Variants in MPP4 observed in about 807,000 individuals in gnomAD.
MPP4 encodes MAGUK p55 scaffold protein 4.
In MPP4, 91 loss-of-function variants were observed where a neutral mutation model predicts 98.3. The ratio of observed to expected loss-of-function variants is 0.93; its 90% CI spans 0.78 to 1.10. The LOEUF (loss-of-function observed/expected upper bound fraction) is 1.10. Among genes scored for constraint, MPP4 ranks in the 50% least tolerant of loss-of-function variants. The pLI, the probability that MPP4 is intolerant of heterozygous loss-of-function variation, is 0.00. For missense variants in MPP4, 744 were observed against 792.9 expected (o/e 0.94, Z 0.74); for synonymous variants, 261 against 271.8 (o/e 0.96, Z 0.39).
At chr2:201,679,521 A>G (rs1688610573) in intron 10 of MPP4, among the ~76,000 whole-genome samples, 1 of 152,012 alleles carries the variant, frequency 6.6e-6, no homozygotes, top group South Asian at 2.1e-4. Context: ...CATATGCTCC[A>G]CCCTCAGCTG....
At chr2:201,691,912 T>G (rs1220932959) in intron 3 of MPP4, among the ~76,000 whole-genome samples, 1 of 152,248 alleles carries the variant, frequency 6.6e-6, no homozygotes. Context: ...GAATAACTTT[T>G]TAAAGCACTT....
chr2:201,684,821 G>A (rs551188214), intron 7 of MPP4, among the ~76,000 whole-genome samples: 1 of 151,706 alleles, frequency 6.6e-6, no homozygotes, highest in East Asian at 1.9e-4. Flanking sequence ...GTGGTGGCGG[G>A]CGCCTGTAAT....
In MPP4 at chr2:201,664,059, C is replaced by T. The variant is rs1688096449; in HGVS notation, c.1072+22G>A. 4 of 1,481,542 alleles carry T rather than the reference C, an allele frequency of 2.7e-6. No individual in the cohort carries two copies. The Admixed American group carries it at 6.3e-5, about 23-fold the overall frequency. The allele number at this position is 1,481,542 out of a possible 1,614,324, so 91.8% of individuals were successfully genotyped here. ...AGAATATACATTTAAAAATCAGTAC[C>T]AAATACTCATTTTTTACTTACCAGA... On this transcript the variant is annotated intron_variant, in intron 14 of 21. Transcript: ENST00000409474.
Position 201,682,801 on chromosome 2 carries a change from C to A in MPP4, c.660+30G>T, listed in dbSNP as rs963425150. On this transcript the variant is annotated intron_variant, in intron 8 of 21. Coordinates refer to ENST00000409474, the MANE Select transcript of MPP4 (RefSeq NM_033066.3). ...GTTCAGCCTTGGCATTTCTCCAAGT[C>A]ATTAACAAAAAGGCAAAAAGAAGAT... The A allele has an allele frequency of 1.9e-6, 3 of 1,598,680 alleles. No individual in the cohort carries two copies. In the African/African-American group the frequency reaches 4.0e-5, roughly 21 times the overall value.
At chr2:201,670,672 A>T (rs1688316494) in intron 11 of MPP4, among the ~76,000 whole-genome samples, 1 of 151,944 alleles carries the variant, frequency 6.6e-6, no homozygotes, top group Non-Finnish European at 1.5e-5. Flanking sequence ...GTTTGTTTTA[A>T]AAAAAAAATT....
rs1165062923 is a variant in MPP4 at position 201,669,752 on chromosome 2, T to C, written c.995-2A>G. On this transcript the variant is annotated splice_acceptor_variant, in intron 11 of 21. Transcript: ENST00000409474. LOFTEE classifies it high-confidence loss of function. ...TCTTACCTTCTTCCATAGAAATTGC[T>C]GAGTACAAGCAAATGATTGAAGCAG... The C allele has an allele frequency of 1.4e-6, 2 of 1,437,416 alleles. No individual in the cohort carries two copies. The highest frequency in any genetic ancestry group is 2.4e-5 in the Admixed American group (1 of 41,876). The allele number at this position is 1,437,416 out of a possible 1,614,324, so 89.0% of individuals were successfully genotyped here.
intron 2 of MPP4, among the ~76,000 whole-genome samples, 155 bp from the exon 3 acceptor site, chr2:201,693,184 C>T (rs917133659): frequency 2.0e-5 from 3 of 152,226 alleles, no homozygotes; most frequent in Non-Finnish European, 4.4e-5. Context: ...TGTTCCACCT[C>T]TTACTTTGTG....
chr2:201,666,566 A>C (rs1025008724), intron 12 of MPP4, 194 bp from the exon 13 acceptor site: 17 of 465,120 alleles, frequency 3.7e-5, no homozygotes, highest in Non-Finnish European at 5.3e-5. Context: ...ACCAAAAAAA[A>C]CAAAAATTAG....
chr2:201,673,035 C>A (rs1348399718), intron 11 of MPP4, among the ~76,000 whole-genome samples: 1 of 152,212 alleles, frequency 6.6e-6, no homozygotes, highest in Non-Finnish European at 1.5e-5. Context: ...AAGTTGGCTT[C>A]ATCCCTGGGA....
At chr2:201,693,517 A>T (rs906734777) in intron 2 of MPP4, among the ~76,000 whole-genome samples, 1 of 152,208 alleles carries the variant, frequency 6.6e-6, no homozygotes, top group African/African-American at 2.4e-5. Context: ...AAAGCTCAGT[A>T]TTCTCCTGAT....
chr2:201,675,333 A>G, intron 10 of MPP4, 62 bp from the exon 11 acceptor site: 6 of 1,499,170 alleles, frequency 4.0e-6, no homozygotes, highest in Non-Finnish European at 4.6e-6. Flanking sequence ...GTTAACCTAG[A>G]TGAAACAGAC....
chr2:201,647,860 G>C, intron 20 of MPP4, 35 bp from the exon 21 acceptor site: 1 of 1,555,610 alleles, frequency 6.4e-7, no homozygotes, highest in East Asian at 2.4e-5. Flanking sequence ...TTTATTTTTT[G>C]TTTGTTTTGT....
At chr2:201,668,727 T>A (rs1404544965) in intron 12 of MPP4, among the ~76,000 whole-genome samples, 1 of 152,186 alleles carries the variant, frequency 6.6e-6, no homozygotes, top group Non-Finnish European at 1.5e-5. Context: ...GCTAAGACCA[T>A]GGCCTTATCA....
At chr2:201,657,098 C>T (rs562827369) in intron 16 of MPP4, among the ~76,000 whole-genome samples, 15 of 152,072 alleles carry the variant, frequency 9.9e-5, no homozygotes, top group East Asian at 9.7e-4. Context: ...TGGTGTAAAC[C>T]GTAGGGAGAG....
At chr2:201,677,716 A>G (rs963847812) in intron 10 of MPP4, among the ~76,000 whole-genome samples, 1 of 152,230 alleles carries the variant, frequency 6.6e-6, no homozygotes, top group Non-Finnish European at 1.5e-5. Flanking sequence ...CTATTGAATC[A>G]GATCCTCAGA....
At chr2:201,689,642 T>G (rs1166803750) in intron 4 of MPP4, among the ~76,000 whole-genome samples, 2 of 152,106 alleles carry the variant, frequency 1.3e-5, no homozygotes, top group African/African-American at 2.4e-5. Context: ...TGATTGGGTG[T>G]GAGGTATCAG....
At chr2:201,681,644 G>A in intron 8 of MPP4, 77 bp from the exon 9 acceptor site, 2 of 1,051,670 alleles carry the variant, frequency 1.9e-6, no homozygotes, top group Non-Finnish European at 2.9e-6. Flanking sequence ...CAGAGTTACA[G>A]TGCAATGTAT....
intron 3 of MPP4, 53 bp downstream of exon 3, chr2:201,692,855 A>G (rs1041406618): frequency 6.3e-7 from 1 of 1,582,610 alleles, no homozygotes; most frequent in Non-Finnish European, 8.6e-7. Flanking sequence ...TTTTCTACAC[A>G]CTCCCCACAA....
chr2:201,667,671 C>A (rs1057481733), intron 12 of MPP4, among the ~76,000 whole-genome samples: 6 of 152,220 alleles, frequency 3.9e-5, no homozygotes, highest in African/African-American at 1.4e-4. Flanking sequence ...TCAACAAATA[C>A]GGATTTAATA....
Sources: gnomAD v4.1 joint callset for allele counts (sites outside exome capture counted in the v4.1 genomes callset) on GRCh38, gnomAD v4.1.1 for gene constraint, MANE v1.5 for transcripts, NCBI Gene and HGNC (gene_info 2026-07-23, HGNC 2026-07-21) for gene names.